The following SPON1 variants were observed in gnomAD, a reference collection of about 807,000 sequenced individuals.
The protein encoded by SPON1 is spondin-1.
SPON1 carries 52 observed loss-of-function variants against 111.7 expected under a neutral mutation model. That is an observed-to-expected ratio of 0.47 (90% CI 0.37 to 0.59). The LOEUF (loss-of-function observed/expected upper bound fraction) is 0.59. SPON1 is among the 20% of genes least tolerant of loss of function. SPON1 has a pLI of 0.00. For missense variants in SPON1, 957 were observed against 1,068.5 expected (o/e 0.90, Z 1.46); for synonymous variants, 410 against 395.8 (o/e 1.04, Z -0.43).
chr11:14,144,384 T>A (rs1280694425), intron 6 of SPON1, among the ~76,000 whole-genome samples: 1 of 151,482 alleles, frequency 6.6e-6, no homozygotes, highest in African/African-American at 2.4e-5. Context: ...AATCCCAGCA[T>A]TTTGGGAGGC....
chr11:14,125,364 C>G (rs1388666793), intron 5 of SPON1, among the ~76,000 whole-genome samples: 1 of 152,134 alleles, frequency 6.6e-6, no homozygotes, highest in Non-Finnish European at 1.5e-5. Context: ...ATGGGTTAAC[C>G]TTGGCTTTTT....
intron 2 of SPON1, among the ~76,000 whole-genome samples, chr11:14,002,638 G>A (rs76525694): frequency 6.6e-6 from 1 of 152,068 alleles, no homozygotes. Context: ...AGGAGACTTT[G>A]AGATTGGATT....
intron 3 of SPON1, among the ~76,000 whole-genome samples, chr11:14,054,666 G>A (rs1293818930): frequency 6.6e-6 from 1 of 151,856 alleles, no homozygotes; most frequent in African/African-American, 2.4e-5. Flanking sequence ...CCAAAGTGCA[G>A]AAGAAAATCA....
At chr11:14,030,573 T>C (rs1198501558) in intron 2 of SPON1, among the ~76,000 whole-genome samples, 1 of 152,036 alleles carries the variant, frequency 6.6e-6, no homozygotes, top group Non-Finnish European at 1.5e-5. Context: ...ATGAATAAGA[T>C]GGAGGTAAGA....
At chr11:13,993,944 A>C (rs782410093) in intron 2 of SPON1, among the ~76,000 whole-genome samples, 8 of 152,216 alleles carry the variant, frequency 5.3e-5, no homozygotes, top group Non-Finnish European at 8.8e-5. Flanking sequence ...CAATCAAAGG[A>C]AAAAAGTCTC....
At chr11:14,121,628 A>T (rs2133854003) in intron 5 of SPON1, among the ~76,000 whole-genome samples, 1 of 152,276 alleles carries the variant, frequency 6.6e-6, no homozygotes, top group Non-Finnish European at 1.5e-5. Flanking sequence ...ACTTAAAGGG[A>T]GAAGCTCTTC....
At chr11:14,132,355 T>G (rs541791240) in intron 5 of SPON1, among the ~76,000 whole-genome samples, 7 of 152,308 alleles carry the variant, frequency 4.6e-5, no homozygotes, top group African/African-American at 1.7e-4. Flanking sequence ...GCTAGGAGGT[T>G]GAACTTGTGT....
At chr11:14,116,624 G>A (rs1305677657) in intron 5 of SPON1, among the ~76,000 whole-genome samples, 1 of 151,926 alleles carries the variant, frequency 6.6e-6, no homozygotes, top group African/African-American at 2.4e-5. Context: ...CTTTATTATG[G>A]TTCCTTTACA....
At chr11:14,048,759 C>T (rs1354934008) in intron 3 of SPON1, among the ~76,000 whole-genome samples, 1 of 152,122 alleles carries the variant, frequency 6.6e-6, no homozygotes, top group Non-Finnish European at 1.5e-5. Flanking sequence ...TTTACAGACC[C>T]CACCAGAAGG....
intron 2 of SPON1, among the ~76,000 whole-genome samples, chr11:13,987,091 G>A (rs560052491): frequency 1.4e-4 from 22 of 152,240 alleles, no homozygotes; most frequent in African/African-American, 3.9e-4. Flanking sequence ...TAATGGGATC[G>A]CTGGGTCAAA....
chr11:14,215,647 C>A (rs1291579909), intron 6 of SPON1, among the ~76,000 whole-genome samples: 4 of 152,184 alleles, frequency 2.6e-5, no homozygotes, highest in African/African-American at 9.7e-5. Context: ...ATAACATAGA[C>A]CCCCATCTCC....
At chr11:14,075,179 C>T (rs541806538) in intron 3 of SPON1, among the ~76,000 whole-genome samples, 166 bp from the exon 4 acceptor site, 2 of 152,200 alleles carry the variant, frequency 1.3e-5, no homozygotes, top group Non-Finnish European at 2.9e-5. Flanking sequence ...TCACCACAAC[C>T]CCATAAAGCA....
chr11:14,256,428 C>T (rs1159276812), intron 9 of SPON1, among the ~76,000 whole-genome samples, 189 bp from the exon 10 acceptor site: 1 of 152,176 alleles, frequency 6.6e-6, no homozygotes, highest in Non-Finnish European at 1.5e-5. Context: ...TATTTATCAT[C>T]CCTGGTTAGC....
intron 3 of SPON1, among the ~76,000 whole-genome samples, chr11:14,057,837 A>C (rs1233000709): frequency 6.7e-6 from 1 of 148,418 alleles, no homozygotes; most frequent in Non-Finnish European, 1.5e-5. Flanking sequence ...TCTACAAAAA[A>C]AAAAAACAAA....
Position 13,988,765 on chromosome 11 carries a change from T to C in SPON1, c.345+5812T>C, listed in dbSNP as rs570267115. Among the ~76,000 whole-genome samples the C allele has an allele frequency of 4.5e-4, 69 of 152,336 alleles. 1 individual carries two copies. The highest frequency in any genetic ancestry group is 1.4e-3 in the African/African-American group (58 of 41,578). ...GAGAGTTTTTAGCATGAAGGGGTGTTGAATTTTATTGAAGGCCTTTTCTGT... is the reference window on the plus strand; with the variant it reads ...GAGAGTTTTTAGCATGAAGGGGTGTCGAATTTTATTGAAGGCCTTTTCTGT... On this transcript the variant is annotated intron_variant, in intron 2 of 15. Transcript: ENST00000576479.
rs1847439268 is a variant in SPON1 at position 14,125,122 on chromosome 11, A to T, written c.677-10298A>T. On this transcript the variant is annotated intron_variant, in intron 5 of 15. Coordinates refer to ENST00000576479, the MANE Select transcript of SPON1 (RefSeq NM_006108.4). ...AGCCAAGAACAGAGAATGCCAAAGG[A>T]CAAGTACAAGCTGTGTCCTGGGCAG... Among the ~76,000 whole-genome samples the T allele has an allele frequency of 2.6e-5, 4 of 152,222 alleles. No individual in the cohort carries two copies. The South Asian group carries it at 8.3e-4, about 32-fold the overall frequency.
At position 14,160,824 on chromosome 11, in the gene SPON1, TTTA is replaced by T. The variant is rs1416461084; in HGVS notation, c.825+25258_825+25260del. On this transcript the variant is annotated intron_variant, in intron 6 of 15. Coordinates refer to ENST00000576479, the MANE Select transcript of SPON1 (RefSeq NM_006108.4). ...TTTTTATATATATTTTTATATATAT[TTTA>T]TATATATTTATATATTTATATATTT... Among the ~76,000 whole-genome samples, 11 of 36,272 alleles carry T rather than the reference TTTA, an allele frequency of 3.0e-4. 3 individuals are homozygous for T. The highest frequency in any genetic ancestry group is 1.1e-3 in the Admixed American group (2 of 1,848). The allele number at this position is 36,272 out of a possible 152,430, so 23.8% of individuals were successfully genotyped here. A position where few individuals can be genotyped will look rare whatever the true frequency, so the allele number is the denominator to read the frequency against.
intron 5 of SPON1, among the ~76,000 whole-genome samples, chr11:14,101,229 A>T (rs562098620): frequency 1.3e-4 from 20 of 151,914 alleles, no homozygotes; most frequent in Non-Finnish European, 2.5e-4. Context: ...GTGAAACCCC[A>T]TCTCTACTAA....
intron 5 of SPON1, among the ~76,000 whole-genome samples, chr11:14,129,064 T>A (rs1847497148): frequency 6.6e-6 from 1 of 152,252 alleles, no homozygotes; most frequent in South Asian, 2.1e-4. Flanking sequence ...TAGCAGGGGC[T>A]GCTGTGAAGA....
Sources: allele counts gnomAD v4.1 joint callset (sites outside exome capture counted in the v4.1 genomes callset), GRCh38; gene constraint gnomAD v4.1.1; transcripts MANE v1.5; gene names NCBI Gene and HGNC (gene_info 2026-07-23, HGNC 2026-07-21).